PAN3: variants seen among roughly 807,000 people sequenced by gnomAD.
PAN3 encodes poly(A) specific ribonuclease subunit PAN3.
PAN3 carries 19 observed loss-of-function variants against 96.2 expected under a neutral mutation model. The ratio of observed to expected loss-of-function variants is 0.20; its 90% CI spans 0.14 to 0.29. The LOEUF is 0.29. PAN3 is among the 10% of genes least tolerant of loss of function. The pLI, the probability that PAN3 is intolerant of heterozygous loss-of-function variation, is 1.00. For missense variants in PAN3, 882 were observed against 1,108.1 expected (o/e 0.80, Z 2.90); for synonymous variants, 433 against 406.6 (o/e 1.06, Z -0.78).
intron 17 of PAN3, among the ~76,000 whole-genome samples, chr13:28,283,357 A>G (rs1458847767): frequency 6.6e-6 from 1 of 152,156 alleles, no homozygotes; most frequent in African/African-American, 2.4e-5. Context: ...CCAGGAAATT[A>G]TTCTTATTAA....
chr13:28,189,004 A>G (rs1347319400), intron 4 of PAN3, among the ~76,000 whole-genome samples: 1 of 152,224 alleles, frequency 6.6e-6, no homozygotes, highest in Non-Finnish European at 1.5e-5. Flanking sequence ...AGAAGTTTAT[A>G]CTGAAATGTT....
intron 5 of PAN3, chr13:28,215,045 T>G: frequency 1.8e-6 from 2 of 1,129,720 alleles, no homozygotes; most frequent in Non-Finnish European, 2.7e-6. Flanking sequence ...TCAGCACTTA[T>G]ATTAATAAAA....
At chr13:28,273,734 G>A (rs1886828792) in intron 14 of PAN3, among the ~76,000 whole-genome samples, 1 of 152,124 alleles carries the variant, frequency 6.6e-6, no homozygotes, top group African/African-American at 2.4e-5. Context: ...GACAATTTTA[G>A]TTCTTTGTGT....
chr13:28,143,660 A>T (rs1229053111), intron 1 of PAN3, among the ~76,000 whole-genome samples: 1 of 152,224 alleles, frequency 6.6e-6, no homozygotes, highest in Non-Finnish European at 1.5e-5. Flanking sequence ...CATTGCCTGC[A>T]CATATTGAGG....
At chr13:28,151,413 G>C (rs758767921) in intron 1 of PAN3, among the ~76,000 whole-genome samples, 4 of 152,060 alleles carry the variant, frequency 2.6e-5, no homozygotes, top group Non-Finnish European at 5.9e-5. Flanking sequence ...TACTCGGCAG[G>C]CTGAGGCAGG....
chr13:28,178,173 GTTTA>G (rs909773046), intron 4 of PAN3, among the ~76,000 whole-genome samples: 6 of 152,084 alleles, frequency 3.9e-5, no homozygotes, highest in African/African-American at 1.4e-4. Context: ...TTTTTGTTCA[GTTTA>G]TTTATCTCAA....
intron 5 of PAN3, chr13:28,214,461 T>G (rs577885186): frequency 4.5e-6 from 1 of 222,996 alleles, no homozygotes; most frequent in East Asian, 1.4e-4. Flanking sequence ...TCAACTTTTT[T>G]GCAACGAGTT....
chr13:28,289,562 C>T (rs1357317368), intron 18 of PAN3, among the ~76,000 whole-genome samples: 1 of 152,186 alleles, frequency 6.6e-6, no homozygotes, highest in Non-Finnish European at 1.5e-5. Context: ...TGAGCCACCA[C>T]GCCCAGCAGC....
At position 28,154,807 on chromosome 13, in the gene PAN3, G is replaced by GT. The variant is rs111375555; in HGVS notation, c.430+15735dup. Among the ~76,000 whole-genome samples the GT allele has an allele frequency of 3.5e-3, 487 of 137,612 alleles. 2 individuals carry two copies. Among genetic ancestry groups the GT allele is most frequent in the Middle Eastern group, 0.012 (3 of 260 alleles). 90.3% of individuals were successfully genotyped at this position (137,612 alleles called of 152,430 possible). A position where few individuals can be genotyped will look rare whatever the true frequency, so the allele number is the denominator to read the frequency against. ...CACCACACTCGGCCTGACTTTGCAGGTTTTTTTTTTTTTTTCTTTTCTTTT... is the reference window on the plus strand; with the variant it reads ...CACCACACTCGGCCTGACTTTGCAGGTTTTTTTTTTTTTTTTCTTTTCTTTT... On this transcript the variant is annotated intron_variant, in intron 1 of 18. Coordinates refer to ENST00000380958, the MANE Select transcript of PAN3 (RefSeq NM_175854.8).
rs3029488 is a variant in PAN3 at position 28,251,875 on chromosome 13, GGTTT to G, written c.1001-4395_1001-4392del. 4.2e-3 allele frequency among the ~76,000 whole-genome samples: 637 copies of G among 150,344 alleles called. 1 individual carries two copies. Among genetic ancestry groups the G allele is most frequent in the Non-Finnish European group, 7.0e-3 (474 of 67,582 alleles). ...GCTTTAGTTTCTTGCTCTTGGGGTTGGTTTGTTTGTTTGTTTGTTTGTTTGGTTT... is the reference window on the plus strand; with the variant it reads ...GCTTTAGTTTCTTGCTCTTGGGGTTGGTTTGTTTGTTTGTTTGTTTGGTTT... On this transcript the variant is annotated intron_variant, in intron 6 of 18. Transcript: ENST00000380958.
chr13:28,248,525 T>A (rs1307988932), intron 6 of PAN3, among the ~76,000 whole-genome samples: 2 of 152,094 alleles, frequency 1.3e-5, no homozygotes, highest in African/African-American at 4.8e-5. Context: ...AGGCTCTTTT[T>A]TTTTTCTTTT....
At chr13:28,172,106 A>G (rs556365146) in intron 1 of PAN3, among the ~76,000 whole-genome samples, 14 of 152,322 alleles carry the variant, frequency 9.2e-5, no homozygotes, top group African/African-American at 3.4e-4. Flanking sequence ...GCCAGGAACT[A>G]TAGATGAAGA....
chr13:28,288,072 G>T lies in PAN3; in HGVS notation c.2473G>T (p.Ala825Ser). 3.7e-6 allele frequency: 6 copies of T among 1,613,652 alleles called. No homozygotes were observed. The highest frequency in any genetic ancestry group is 5.1e-6 in the Non-Finnish European group (6 of 1,179,706). Residue 825 changes from alanine (A) to serine (S), a missense_variant, in exon 18 of 19, where the codon GCA becomes TCA. By Grantham distance (99) the Ala-to-Ser change is moderately conservative (BLOSUM62 1). Coordinates refer to ENST00000380958, the MANE Select transcript of PAN3 (RefSeq NM_175854.8). Reference sequence around the variant, plus strand: ...TCATCTTTTTCATCAGGTGACAGAAGCAGGTGCTCCCTGGATTGACCTCAG... The same window carrying T: ...TCATCTTTTTCATCAGGTGACAGAATCAGGTGCTCCCTGGATTGACCTCAG... ...RDHLFHQVTE[A>S]GAPWIDLSHI...
intron 1 of PAN3, among the ~76,000 whole-genome samples, chr13:28,139,593 T>C (rs1869392123): frequency 6.9e-6 from 1 of 145,416 alleles, no homozygotes. Flanking sequence ...CTTCGTGGAG[T>C]AGGTTGAAAG....
intron 7 of PAN3, among the ~76,000 whole-genome samples, chr13:28,257,153 G>T (rs1885212933): frequency 6.6e-6 from 1 of 152,094 alleles, no homozygotes. Context: ...ATGGGAAGAG[G>T]TGGCCCCAGA....
At chr13:28,200,525 C>T (rs45601635) in intron 5 of PAN3, among the ~76,000 whole-genome samples, 1,555 of 152,260 alleles carry the variant, frequency 0.01, 24 homozygotes, top group African/African-American at 0.035. Context: ...CTCTTCAGTG[C>T]TGGATTTCTT....
At chr13:28,262,098 A>G (rs1885788011) in intron 9 of PAN3, among the ~76,000 whole-genome samples, 1 of 152,152 alleles carries the variant, frequency 6.6e-6, no homozygotes, top group South Asian at 2.1e-4. Context: ...AATACTTTAC[A>G]TGTCTTACTT....
intron 4 of PAN3, among the ~76,000 whole-genome samples, chr13:28,190,770 C>T (rs1390301301): frequency 2.0e-5 from 3 of 152,098 alleles, no homozygotes; most frequent in Non-Finnish European, 4.4e-5. Context: ...ACGAGAATAG[C>T]ACGGGGGAAA....
rs187556982 is a variant in PAN3, at chr13:28,277,477, C to T, written c.2189+101C>T. 1.6e-4 allele frequency: 194 copies of T among 1,179,314 alleles called. 3 individuals are homozygous for T. The East Asian group carries it at 5.0e-3, about 30-fold the overall frequency. 73.1% of individuals were successfully genotyped at this position (1,179,314 alleles called of 1,614,324 possible). A position where few individuals can be genotyped will look rare whatever the true frequency, so the allele number is the denominator to read the frequency against. ...TGTTTTGGTTCCCACTATTTAAAAT[C>T]AAGCAAAACAGAAACTTTATGTCTT... On this transcript the variant is annotated intron_variant, in intron 15 of 18. Transcript: ENST00000380958.
Sources: gnomAD v4.1 joint callset for allele counts (sites outside exome capture counted in the v4.1 genomes callset) on GRCh38, gnomAD v4.1.1 for gene constraint, MANE v1.5 for transcripts, NCBI Gene and HGNC (gene_info 2026-07-23, HGNC 2026-07-21) for gene names.